Variants in ERC1 observed in about 807,000 individuals in gnomAD.
ERC1 encodes ELKS/RAB6-interacting/CAST family member 1.
A neutral mutation model predicts 132.0 loss-of-function variants in ERC1; 56 were observed. The observed-to-expected ratio is 0.42, with a 90% CI of 0.34 to 0.53. The LOEUF (loss-of-function observed/expected upper bound fraction) is 0.53, where lower values mean the gene tolerates loss of function less well. Ranked by LOEUF, ERC1 falls within the 20% of genes least tolerant of loss-of-function variation. The pLI, the probability that ERC1 is intolerant of heterozygous loss-of-function variation, is 0.03. For missense variants in ERC1, 1,202 were observed against 1,349.9 expected (o/e 0.89, Z 1.72); for synonymous variants, 478 against 476.1 (o/e 1.00, Z -0.05).
intron 17 of ERC1, among the ~76,000 whole-genome samples, chr12:1,408,839 T>G (rs1182775227): frequency 6.6e-6 from 1 of 152,220 alleles, no homozygotes; most frequent in Non-Finnish European, 1.5e-5. Flanking sequence ...CCATATTCCA[T>G]TCTAGTTTCT....
chr12:1,444,836 T>C (rs1565454857), intron 18 of ERC1, 86 bp downstream of exon 18: 2 of 1,274,298 alleles, frequency 1.6e-6, no homozygotes. Flanking sequence ...CCTTGGGGAA[T>C]CCAGTTGCCG....
In ERC1 at chr12:1,122,649, A is replaced by ATCTCTG. The variant is rs1343832826; in HGVS notation, c.1569+6621_1569+6622insGTCTCT. On this transcript the variant is annotated intron_variant, in intron 7 of 18. Coordinates refer to ENST00000360905, the MANE Select transcript of ERC1 (RefSeq NM_178040.4). The stretch of plus-strand genomic sequence containing the variant: ...TGTCTCTATCTCTATCTCTATCTCT[A>ATCTCTG]TCTCTATCTCTATCTCTGCCTATTG... 2.0e-5 allele frequency among the ~76,000 whole-genome samples: 3 copies of ATCTCTG among 149,566 alleles called. 1 individual carries two copies. Among genetic ancestry groups the ATCTCTG allele is most frequent in the African/African-American group, 7.7e-5 (3 of 39,204 alleles).
chr12:1,366,332 C>T (rs1014590557), intron 15 of ERC1, among the ~76,000 whole-genome samples: 5 of 152,150 alleles, frequency 3.3e-5, no homozygotes, highest in African/African-American at 1.2e-4. Flanking sequence ...GAAACAGACC[C>T]TACCCATGTA....
intron 2 of ERC1, among the ~76,000 whole-genome samples, chr12:1,051,483 A>G (rs1971961737): frequency 6.8e-6 from 1 of 147,292 alleles, no homozygotes; most frequent in African/African-American, 2.5e-5. Context: ...TGAGGCGAGG[A>G]GTTTGAGACC....
At chr12:1,230,033 G>A (rs1204807403) in intron 12 of ERC1, among the ~76,000 whole-genome samples, 2 of 128,206 alleles carry the variant, frequency 1.6e-5, no homozygotes, top group African/African-American at 3.1e-5. Flanking sequence ...TTGAGTTGGA[G>A]TCTCACTGTG....
At chr12:1,407,182 T>G (rs994084980) in intron 16 of ERC1, among the ~76,000 whole-genome samples, 1 of 152,190 alleles carries the variant, frequency 6.6e-6, no homozygotes, top group Non-Finnish European at 1.5e-5. Flanking sequence ...GGGATTATAG[T>G]CCTTTTCTGG....
At chr12:1,399,089 A>G (rs971559612) in intron 16 of ERC1, among the ~76,000 whole-genome samples, 1 of 150,520 alleles carries the variant, frequency 6.6e-6, no homozygotes, top group African/African-American at 2.4e-5. Context: ...GGGACTACAC[A>G]CAGGCATGTG....
chr12:1,483,603 G>A (rs2094133170), intron 18 of ERC1, among the ~76,000 whole-genome samples: 1 of 142,882 alleles, frequency 7.0e-6, no homozygotes, highest in Non-Finnish European at 1.5e-5. Context: ...TGTTGCTTGT[G>A]CTATAAACAG....
At chr12:1,104,914 T>A in intron 4 of ERC1, 90 bp downstream of exon 4, 1 of 765,582 alleles carries the variant, frequency 1.3e-6, no homozygotes, top group East Asian at 2.5e-5. Context: ...GGAAATGGCA[T>A]GTAATAGTAT....
intron 1 of ERC1, among the ~76,000 whole-genome samples, chr12:1,023,080 T>C (rs1966612805): frequency 6.6e-6 from 1 of 152,188 alleles, no homozygotes; most frequent in Admixed American, 6.5e-5. Flanking sequence ...CTCTTTCTTT[T>C]ATAAATTACC....
At chr12:1,402,913 C>T (rs1566781087) in intron 16 of ERC1, among the ~76,000 whole-genome samples, 1 of 149,544 alleles carries the variant, frequency 6.7e-6, no homozygotes, top group Non-Finnish European at 1.5e-5. Context: ...ACTGAACTCT[C>T]AGATTTTTTT....
chr12:1,061,557 T>C (rs1343248865), intron 2 of ERC1, among the ~76,000 whole-genome samples: 1 of 152,024 alleles, frequency 6.6e-6, no homozygotes, highest in Non-Finnish European at 1.5e-5. Flanking sequence ...GAGTTGAGAT[T>C]GCACCACTGC....
At chr12:1,103,860 A>G (rs1403570095) in intron 3 of ERC1, among the ~76,000 whole-genome samples, 1 of 152,116 alleles carries the variant, frequency 6.6e-6, no homozygotes, top group Non-Finnish European at 1.5e-5. Context: ...TTGAGCATGT[A>G]GAGTTTGAAA....
In ERC1 at chr12:1,121,640, G is replaced by GATCTCTATCTCT. The variant is rs1186900552; in HGVS notation, c.1569+5636_1569+5647dup. ...AGTGGCAAATGAAACAAAGGCTGATGATCTCTATCTCTATCTCTATCTCTA... is the reference window on the plus strand; with the variant it reads ...AGTGGCAAATGAAACAAAGGCTGATGATCTCTATCTCTATCTCTATCTCTATCTCTATCTCTA... On this transcript the variant is annotated intron_variant, in intron 7 of 18. Coordinates refer to ENST00000360905, the MANE Select transcript of ERC1 (RefSeq NM_178040.4). Among the ~76,000 whole-genome samples, 31 of 88,608 alleles carry GATCTCTATCTCT rather than the reference G, an allele frequency of 3.5e-4. 4 individuals are homozygous for GATCTCTATCTCT. Among genetic ancestry groups the GATCTCTATCTCT allele is most frequent in the Admixed American group, 1.0e-3 (8 of 7,676 alleles). 58.1% of individuals were successfully genotyped at this position (88,608 alleles called of 152,430 possible).
intron 15 of ERC1, among the ~76,000 whole-genome samples, chr12:1,301,436 C>A (rs566491902): frequency 6.6e-6 from 1 of 152,262 alleles, no homozygotes; most frequent in South Asian, 2.1e-4. Context: ...CAGTGGTGGA[C>A]TGGATAAAGA....
chr12:1,078,142 C>T (rs1409750413), intron 2 of ERC1, among the ~76,000 whole-genome samples: 1 of 152,154 alleles, frequency 6.6e-6, no homozygotes, highest in African/African-American at 2.4e-5. Flanking sequence ...ACATATATTT[C>T]TCCTGACTTG....
intron 15 of ERC1, among the ~76,000 whole-genome samples, chr12:1,357,931 A>G (rs1167944846): frequency 1.3e-5 from 2 of 152,168 alleles, no homozygotes; most frequent in Admixed American, 6.5e-5. Context: ...ATTTGAGTAA[A>G]TCCCTAACAG....
At chr12:1,003,848 A>G (rs1239005957) in intron 1 of ERC1, among the ~76,000 whole-genome samples, 2 of 152,212 alleles carry the variant, frequency 1.3e-5, no homozygotes, top group East Asian at 1.9e-4. Flanking sequence ...ACCAAAAAGG[A>G]TAACACCACA....
At chr12:1,000,008 C>T (rs1227099060) in intron 1 of ERC1, among the ~76,000 whole-genome samples, 2 of 152,184 alleles carry the variant, frequency 1.3e-5, no homozygotes, top group Non-Finnish European at 2.9e-5. Context: ...GGTGGCAACT[C>T]TTGAACAGTC....
Sources: allele counts gnomAD v4.1 joint callset (sites outside exome capture counted in the v4.1 genomes callset), GRCh38; gene constraint gnomAD v4.1.1; transcripts MANE v1.5; gene names NCBI Gene and HGNC (gene_info 2026-07-23, HGNC 2026-07-21).